The following DYNC2H1 variants were observed in gnomAD, a reference collection of about 807,000 sequenced individuals.
DYNC2H1 encodes cytoplasmic dynein 2 heavy chain 1.
A neutral mutation model predicts 570.0 loss-of-function variants in DYNC2H1; 410 were observed. That is an observed-to-expected ratio of 0.72 (90% CI 0.66 to 0.78). The LOEUF is 0.78. Among genes scored for constraint, DYNC2H1 ranks in the 30% least tolerant of loss-of-function variants. The probability of loss-of-function intolerance (pLI) is 0.00; values close to 1 mark genes in which losing one functional copy is unlikely to be tolerated. For missense variants in DYNC2H1, 4,865 were observed against 5,046.4 expected, an observed-to-expected ratio of 0.96 and a Z score of 1.09; for synonymous variants, 1,688 against 1,677.6, an observed-to-expected ratio of 1.01 and a Z score of -0.15.
chr11:103,329,645 T>C (rs1466703106), intron 82 of DYNC2H1, among the ~76,000 whole-genome samples: 1 of 152,170 alleles, frequency 6.6e-6, no homozygotes, highest in Non-Finnish European at 1.5e-5. Context: ...TGTACTCTCT[T>C]ACAGGATTCT....
chr11:103,478,382 A>G (rs1945634549), intron 88 of DYNC2H1, among the ~76,000 whole-genome samples: 1 of 152,190 alleles, frequency 6.6e-6, no homozygotes. Flanking sequence ...GTAACCTTGA[A>G]TGAAAAGTGA....
At chr11:103,468,150 C>T (rs1290098291) in intron 87 of DYNC2H1, among the ~76,000 whole-genome samples, 1 of 152,162 alleles carries the variant, frequency 6.6e-6, no homozygotes, top group East Asian at 1.9e-4. Flanking sequence ...ATTCATATCA[C>T]ATGTCGTTTT....
chr11:103,192,531 T>G (rs1375357745), intron 47 of DYNC2H1, among the ~76,000 whole-genome samples: 2 of 151,596 alleles, frequency 1.3e-5, no homozygotes, highest in Admixed American at 6.6e-5. Context: ...TTAATAAAAG[T>G]TTTTTTTTGA....
chr11:103,214,547 A>C (rs2915255), intron 54 of DYNC2H1, among the ~76,000 whole-genome samples: 140,065 of 150,230 alleles, frequency 0.93, 65,319 homozygotes, highest in African/African-American at 0.94. Context: ...TGGGTTCAAG[A>C]GATTCTTATG....
At chr11:103,195,007 T>C (rs1322502337) in intron 47 of DYNC2H1, among the ~76,000 whole-genome samples, 1 of 152,164 alleles carries the variant, frequency 6.6e-6, no homozygotes, top group African/African-American at 2.4e-5. Flanking sequence ...CATGAGCCAC[T>C]GCAGCCAGCA....
In DYNC2H1 at chr11:103,252,564, A is replaced by C. The variant is rs1864877422; in HGVS notation, c.10043-721A>C. Among the ~76,000 whole-genome samples, 1 of 152,086 alleles carries C rather than the reference A, an allele frequency of 6.6e-6. No individual in the cohort carries two copies. The highest frequency in any genetic ancestry group is 6.6e-5 in the Admixed American group (1 of 15,258). ...TAACAGGTGTGAGTTGATATCTAAT[A>C]GTGGTTTTGATTTGCATTTCCTCAT... On this transcript the variant is annotated intron_variant, in intron 65 of 88. Transcript: ENST00000375735. The surrounding 1 kb of genome is among the most constrained non-coding windows in gnomAD (Gnocchi z 4.6).
chr11:103,206,954 C>T (rs1023897489), intron 52 of DYNC2H1, among the ~76,000 whole-genome samples: 7 of 151,900 alleles, frequency 4.6e-5, no homozygotes, highest in African/African-American at 1.7e-4. Context: ...CAGAGTCTTG[C>T]TCTGTCGCCC....
At position 103,219,934 on chromosome 11, in the gene DYNC2H1, CAG is replaced by C. The variant is rs1863524044; in HGVS notation, c.8854_8855del (p.Glu2952ThrfsTer2). 1 of 1,520,126 alleles carries C rather than the reference CAG, an allele frequency of 6.6e-7. No homozygotes were observed. The allele number at this position is 1,520,126 out of a possible 1,614,324, so 94.2% of individuals were successfully genotyped here. On this transcript the variant is annotated frameshift_variant, in exon 56 of 89. Coordinates refer to ENST00000375735, the MANE Select transcript of DYNC2H1 (RefSeq NM_001377.3). LOFTEE classifies it high-confidence loss of function. The stretch of plus-strand genomic sequence containing the variant: ...TTATAGGATGCTAGTGAGCAAAAAA[CAG>C]AACTTGAAAGACTGAAGCACAGAAT...
chr11:103,307,619 G>A (rs570235328), intron 77 of DYNC2H1, 102 bp from the exon 78 acceptor site: 5 of 584,818 alleles, frequency 8.5e-6, no homozygotes, highest in Admixed American at 3.4e-5. Flanking sequence ...ACATCAGAAT[G>A]TCACAAAAGT....
rs958175673 is a variant in DYNC2H1 at position 103,254,487 on chromosome 11, A to G, written c.10207-928A>G. Among the ~76,000 whole-genome samples the G allele has an allele frequency of 8.5e-5, 13 of 152,262 alleles. No homozygotes were observed. Among genetic ancestry groups the G allele is most frequent in the African/African-American group, 2.9e-4 (12 of 41,480 alleles). On this transcript the variant is annotated intron_variant, in intron 66 of 88. Transcript: ENST00000375735. This position sits in a 1 kb window ranked among gnomAD's most constrained non-coding sequence, Gnocchi z 4.9. ...ATAACAGCTTTAACAAATACAATGT[A>G]CATACCATACAACTTGCTGATTTAA... is the stretch of plus-strand genomic sequence containing the variant.
At chr11:103,448,818 A>C (rs1052757536) in intron 85 of DYNC2H1, among the ~76,000 whole-genome samples, 1 of 152,208 alleles carries the variant, frequency 6.6e-6, no homozygotes, top group African/African-American at 2.4e-5. Flanking sequence ...TACTTTGAAA[A>C]ACTCTCAGAA....
intron 83 of DYNC2H1, among the ~76,000 whole-genome samples, chr11:103,367,904 T>C (rs1048837158): frequency 5.3e-5 from 8 of 152,174 alleles, no homozygotes; most frequent in Non-Finnish European, 1.0e-4. Flanking sequence ...CTTAATGTAA[T>C]GTCTTCCAGG....
intron 59 of DYNC2H1, among the ~76,000 whole-genome samples, chr11:103,229,008 T>G (rs1591442147): frequency 6.6e-6 from 1 of 151,654 alleles, no homozygotes; most frequent in African/African-American, 2.4e-5. Flanking sequence ...TCACCCAGGG[T>G]AGTGGGGGAA....
At chr11:103,330,663 A>T (rs78666646) in intron 82 of DYNC2H1, among the ~76,000 whole-genome samples, 1 of 151,754 alleles carries the variant, frequency 6.6e-6, no homozygotes. Flanking sequence ...CAAATAAATA[A>T]AACAGTTAAA....
At position 103,472,261 on chromosome 11, in the gene DYNC2H1, A is replaced by G. The variant is rs1945411813; in HGVS notation, c.12765+3556A>G. Among the ~76,000 whole-genome samples, 1 of 152,146 alleles carries G rather than the reference A, an allele frequency of 6.6e-6. No homozygotes were observed. The highest frequency in any genetic ancestry group is 6.5e-5 in the Admixed American group (1 of 15,276). ...AGAACAGGGCCAGGCACGGTGGCTC[A>G]CACCTGTAATCCCATCACTTTGGGA... On this transcript the variant is annotated intron_variant, in intron 88 of 88. Coordinates refer to ENST00000375735, the MANE Select transcript of DYNC2H1 (RefSeq NM_001377.3). This position sits in a 1 kb window ranked among gnomAD's most constrained non-coding sequence, Gnocchi z 4.1.
chr11:103,467,057 T>C (rs1043242849), intron 87 of DYNC2H1, among the ~76,000 whole-genome samples: 7 of 152,032 alleles, frequency 4.6e-5, no homozygotes, highest in Admixed American at 4.6e-4. Context: ...AAGAACAAAA[T>C]GGATGCACCT....
intron 84 of DYNC2H1, among the ~76,000 whole-genome samples, chr11:103,429,997 T>C (rs1202361749): frequency 1.3e-5 from 2 of 152,156 alleles, no homozygotes; most frequent in Admixed American, 6.6e-5. Context: ...TTTCAGAACC[T>C]AAAATCCAAT....
At chr11:103,379,957 A>T (rs569889050) in intron 83 of DYNC2H1, among the ~76,000 whole-genome samples, 2 of 152,324 alleles carry the variant, frequency 1.3e-5, no homozygotes, top group African/African-American at 4.8e-5. Flanking sequence ...AACAGGAATT[A>T]TTTGGGGAGA....
At position 103,472,397 on chromosome 11, in the gene DYNC2H1, GAATTGAGAACAGGAGTATGGTA is replaced by G. The variant is rs1945417830; in HGVS notation, c.12765+3694_12765+3715del. On this transcript the variant is annotated intron_variant, in intron 88 of 88. Transcript: ENST00000375735. This position sits in a 1 kb window ranked among gnomAD's most constrained non-coding sequence, Gnocchi z 4.1. ...AAGAATTAAAAAAATTTTTTTTAAA[GAATTGAGAACAGGAGTATGGTA>G]AGATCAGATTTGTAGTTTTAGAAAA... is the stretch of plus-strand genomic sequence containing the variant. 6.6e-6 allele frequency among the ~76,000 whole-genome samples: 1 copy of G among 151,962 alleles called. No individual in the cohort carries two copies. Among genetic ancestry groups the G allele is most frequent in the Non-Finnish European group, 1.5e-5 (1 of 67,980 alleles).
Sources: gnomAD v4.1 joint callset for allele counts (sites outside exome capture counted in the v4.1 genomes callset) on GRCh38, gnomAD v4.1.1 for gene constraint, Gnocchi (gnomAD v3.1) non-coding constraint, MANE v1.5 for transcripts, NCBI Gene and HGNC (gene_info 2026-07-23, HGNC 2026-07-21) for gene names.